SNTG1: variants seen among roughly 807,000 people sequenced by gnomAD.
SNTG1 encodes the protein syntrophin gamma 1, also known as gamma-1-syntrophin.
A neutral mutation model predicts 74.7 loss-of-function variants in SNTG1; 39 were observed. That is an observed-to-expected ratio of 0.52 (90% confidence interval 0.40 to 0.68). The LOEUF is 0.68. Ranked by LOEUF, SNTG1 falls within the 30% of genes least tolerant of loss-of-function variation. The pLI, the probability that SNTG1 is intolerant of heterozygous loss-of-function variation, is 0.00. For missense variants in SNTG1, 685 were observed against 609.5 expected, an observed-to-expected ratio of 1.12 and a Z score of -1.30; for synonymous variants, 254 against 217.1, an observed-to-expected ratio of 1.17 and a Z score of -1.49.
intron 2 of SNTG1, among the ~76,000 whole-genome samples, chr8:50,385,630 A>C (rs1195638057): frequency 2.6e-5 from 4 of 152,200 alleles, no homozygotes; most frequent in African/African-American, 9.6e-5. Flanking sequence ...AGCTATTGAC[A>C]TAGGGCTGAA....
At chr8:50,690,163 C>A (rs1177401198) in intron 15 of SNTG1, among the ~76,000 whole-genome samples, 1 of 152,042 alleles carries the variant, frequency 6.6e-6, no homozygotes, top group Admixed American at 6.5e-5. Context: ...GTCTTGCTAG[C>A]AGTCTATCAA....
chr8:49,951,995 T>G (rs1002093045), intron 1 of SNTG1, among the ~76,000 whole-genome samples: 1 of 151,812 alleles, frequency 6.6e-6, no homozygotes, highest in Non-Finnish European at 1.5e-5. Flanking sequence ...AACTACTCTT[T>G]TGTTTGTTGT....
chr8:50,385,971 G>A (rs953247731), intron 2 of SNTG1, among the ~76,000 whole-genome samples: 1 of 152,152 alleles, frequency 6.6e-6, no homozygotes, highest in African/African-American at 2.4e-5. Flanking sequence ...TTGAGTCCTC[G>A]ATGATAGTAA....
chr8:50,625,303 T>C (rs1295586108), intron 13 of SNTG1, among the ~76,000 whole-genome samples: 4 of 152,226 alleles, frequency 2.6e-5, no homozygotes, highest in Admixed American at 2.0e-4. Flanking sequence ...GCCCCAGATG[T>C]GGCAGATCAA....
intron 11 of SNTG1, among the ~76,000 whole-genome samples, chr8:50,548,749 T>C (rs535745729): frequency 1.1e-4 from 17 of 152,058 alleles, no homozygotes; most frequent in Admixed American, 1.0e-3. Context: ...TCCAAATACA[T>C]GGGTTAAAGA....
intron 5 of SNTG1, among the ~76,000 whole-genome samples, chr8:50,448,729 C>A (rs780080990): frequency 3.9e-5 from 6 of 151,922 alleles, no homozygotes; most frequent in Non-Finnish European, 7.4e-5. Context: ...CTCATTTAGT[C>A]AACTAATAAA....
intron 17 of SNTG1, among the ~76,000 whole-genome samples, chr8:50,733,751 T>C (rs910045852): frequency 5.9e-5 from 9 of 152,018 alleles, no homozygotes; most frequent in African/African-American, 2.2e-4. Flanking sequence ...TGTGTTCGTG[T>C]CCTTCGTCTA....
At chr8:50,550,306 CT>C (rs1052834796) in intron 11 of SNTG1, among the ~76,000 whole-genome samples, 2 of 152,106 alleles carry the variant, frequency 1.3e-5, no homozygotes, top group Non-Finnish European at 2.9e-5. Context: ...TCACTCCAAA[CT>C]TTTACATTTT....
At chr8:50,505,368 A>C (rs2093997396) in intron 9 of SNTG1, among the ~76,000 whole-genome samples, 1 of 152,136 alleles carries the variant, frequency 6.6e-6, no homozygotes, top group Admixed American at 6.6e-5. Flanking sequence ...GGATTCCTGG[A>C]TCATATGTTA....
chr8:50,694,297 A>C (rs1563752958), intron 15 of SNTG1, among the ~76,000 whole-genome samples: 2 of 152,128 alleles, frequency 1.3e-5, no homozygotes, highest in Non-Finnish European at 2.9e-5. Context: ...ATCATAAACA[A>C]ATTTATGAAA....
intron 13 of SNTG1, among the ~76,000 whole-genome samples, chr8:50,647,238 T>C (rs1372056319): frequency 6.6e-6 from 1 of 152,120 alleles, no homozygotes; most frequent in Admixed American, 6.6e-5. Context: ...TAAAATCATC[T>C]GCTCTATGAA....
chr8:50,081,769 G>A (rs940631966), intron 1 of SNTG1, among the ~76,000 whole-genome samples: 6 of 152,080 alleles, frequency 3.9e-5, no homozygotes, highest in Non-Finnish European at 5.9e-5. Context: ...GAATAGCTGG[G>A]ACTACAGGCT....
intron 1 of SNTG1, among the ~76,000 whole-genome samples, chr8:50,001,373 G>A (rs1342954514): frequency 2.6e-5 from 4 of 152,122 alleles, no homozygotes; most frequent in Non-Finnish European, 5.9e-5. Flanking sequence ...AGCACTTTTA[G>A]GGGGCTTATG....
intron 1 of SNTG1, among the ~76,000 whole-genome samples, chr8:50,147,409 A>G (rs2081910360): frequency 6.6e-6 from 1 of 152,252 alleles, no homozygotes; most frequent in Non-Finnish European, 1.5e-5. Flanking sequence ...AGACAAAAGA[A>G]TTATAGAATT....
rs559545540 is a variant in SNTG1, at chr8:50,742,787, C to T, written c.1285-9214C>T. On this transcript the variant is annotated intron_variant, in intron 17 of 18. Coordinates refer to ENST00000642720, the MANE Select transcript of SNTG1 (RefSeq NM_018967.5). ...AATAACAAAATTTATAAGTCTTTAG[C>T]CTGATTGTCTCAACAAGAAGACCCA... Among the ~76,000 whole-genome samples, 4 of 151,644 alleles carry T rather than the reference C, an allele frequency of 2.6e-5. No individual in the cohort carries two copies. In the South Asian group the frequency reaches 8.3e-4, roughly 32 times the overall value.
At chr8:50,226,741 T>C (rs1223151133) in intron 2 of SNTG1, among the ~76,000 whole-genome samples, 1 of 152,184 alleles carries the variant, frequency 6.6e-6, no homozygotes. Context: ...TGATGTCTCA[T>C]GCCTCTCTGA....
intron 15 of SNTG1, among the ~76,000 whole-genome samples, chr8:50,668,791 C>A (rs919645472): frequency 1.3e-5 from 2 of 151,828 alleles, no homozygotes; most frequent in African/African-American, 4.8e-5. Flanking sequence ...TCATCCATGT[C>A]CCTGCAAAGG....
intron 4 of SNTG1, among the ~76,000 whole-genome samples, chr8:50,414,566 T>C (rs1159930464): frequency 6.6e-6 from 1 of 152,158 alleles, no homozygotes; most frequent in Non-Finnish European, 1.5e-5. Flanking sequence ...ATCTTTATAC[T>C]TCGTCATCAT....
At chr8:50,173,638 A>G (rs1308279034) in intron 2 of SNTG1, among the ~76,000 whole-genome samples, 1 of 152,124 alleles carries the variant, frequency 6.6e-6, no homozygotes, top group Non-Finnish European at 1.5e-5. Context: ...TTCAAGGACT[A>G]TGGCAAGTTC....
Sources: allele counts gnomAD v4.1 joint callset (sites outside exome capture counted in the v4.1 genomes callset), GRCh38; gene constraint gnomAD v4.1.1; transcripts MANE v1.5; gene names NCBI Gene and HGNC (gene_info 2026-07-23, HGNC 2026-07-21).